The following PCDHGB2 variants were observed in gnomAD, a reference collection of about 807,000 sequenced individuals.
The protein encoded by PCDHGB2 is protocadherin gamma-B2.
Under a neutral mutation model 59.3 loss-of-function variants are expected in PCDHGB2, and 55 were observed. The ratio of observed to expected loss-of-function variants is 0.93; its 90% CI spans 0.75 to 1.16. The LOEUF is 1.16. Among genes scored for constraint, PCDHGB2 ranks in the 50% most tolerant of loss-of-function variants. The pLI, the probability that PCDHGB2 is intolerant of heterozygous loss-of-function variation, is 0.00. For synonymous variants in PCDHGB2, 516 were observed against 512.0 expected (o/e 1.01, Z -0.11); for missense variants, 1,228 against 1,198.5 (o/e 1.02, Z -0.36).
intron 1 of PCDHGB2, chr5:141,427,887 C>T (rs759734297): frequency 3.8e-6 from 6 of 1,565,908 alleles, no homozygotes; most frequent in South Asian, 1.1e-5. Flanking sequence ...GGCCCACGAC[C>T]AGGGCTCGCC....
chr5:141,437,058 T>C (rs539776847), intron 1 of PCDHGB2, among the ~76,000 whole-genome samples: 2 of 152,246 alleles, frequency 1.3e-5, no homozygotes, highest in Non-Finnish European at 2.9e-5. Context: ...CTGGTGATCA[T>C]TATTTGGTTT....
chr5:141,457,118 A>G (rs1427146922), intron 1 of PCDHGB2, among the ~76,000 whole-genome samples: 3 of 152,228 alleles, frequency 2.0e-5, no homozygotes, highest in Non-Finnish European at 4.4e-5. Context: ...TACGACAGCA[A>G]TGGAAACTCT....
rs1187261942 is a variant in PCDHGB2 at position 141,360,266 on chromosome 5, A to G, written c.131A>G (p.Asn44Ser). 10 of 1,613,538 alleles carry G rather than the reference A, an allele frequency of 6.2e-6. No individual in the cohort carries two copies. The highest frequency in any genetic ancestry group is 8.5e-6 in the Non-Finnish European group (10 of 1,179,812). ...RYSIPEELAK[N>S]SVVGNLAKDL... is the part of the protein sequence containing the mutation. Reference sequence around the variant, plus strand: ...TCAATTCCAGAGGAGCTGGCCAAAAACTCGGTCGTAGGAAACCTCGCCAAG... The same window carrying G: ...TCAATTCCAGAGGAGCTGGCCAAAAGCTCGGTCGTAGGAAACCTCGCCAAG... The change falls in exon 1 of 4, where the codon AAC (asparagine) becomes AGC (serine). Residue 44 changes from asparagine to serine, a missense_variant. Around this residue, in one of 3 missense-constraint regions of PCDHGB2, gnomAD observed 781 missense variants for 721.6 expected, o/e 1.08. Coordinates refer to ENST00000522605, the MANE Select transcript of PCDHGB2 (RefSeq NM_018923.3).
rs774288267 is a variant in PCDHGB2, at chr5:141,392,993, G to A, written c.2421+30437G>A. On this transcript the variant is annotated intron_variant, in intron 1 of 3. Transcript: ENST00000522605. ...TGGGGCTGGACCCCCGGAAGCTGGCGAAGCACGGAGTCCGTATCGTCTCCA... is the reference window on the plus strand; with the variant it reads ...TGGGGCTGGACCCCCGGAAGCTGGCAAAGCACGGAGTCCGTATCGTCTCCA... The A allele has an allele frequency of 5.0e-6, 8 of 1,613,802 alleles. 1 individual carries two copies. In the South Asian group the frequency reaches 6.6e-5, roughly 13 times the overall value.
In PCDHGB2 at chr5:141,486,680, T is replaced by A; in HGVS notation, c.2422-8127T>A. The A allele has an allele frequency of 6.2e-7, 1 of 1,614,102 alleles. No homozygotes were observed. Among genetic ancestry groups the A allele is most frequent in the Non-Finnish European group, 8.5e-7 (1 of 1,180,018 alleles). ...CCTGGAGCCCAGGAATCGAGATGTA[T>A]CAGCTTCCTCTTTCATCTCTCTGAA... is the stretch of plus-strand genomic sequence containing the variant. On this transcript the variant is annotated intron_variant, in intron 1 of 3. Coordinates refer to ENST00000522605, the MANE Select transcript of PCDHGB2 (RefSeq NM_018923.3). This position sits in a 1 kb window ranked among gnomAD's most constrained non-coding sequence, Gnocchi z 5.0.
intron 1 of PCDHGB2, chr5:141,392,672 T>C (rs1375291090): frequency 4.5e-6 from 4 of 880,364 alleles, no homozygotes; most frequent in Non-Finnish European, 6.7e-6. Flanking sequence ...AACTAACTGC[T>C]GGACTGCAGC....
chr5:141,435,883 C>A (rs1458527952), intron 1 of PCDHGB2, among the ~76,000 whole-genome samples: 1 of 152,020 alleles, frequency 6.6e-6, no homozygotes, highest in African/African-American at 2.4e-5. Flanking sequence ...GATTGGAAAC[C>A]CCTTAGAGAA....
intron 1 of PCDHGB2, chr5:141,415,759 T>TTG (rs2095938229): frequency 3.7e-6 from 5 of 1,352,054 alleles, no homozygotes; most frequent in Non-Finnish European, 4.8e-6. Flanking sequence ...TTTTTTTTTT[T>TTG]TTTTTTTTTT....
intron 1 of PCDHGB2, chr5:141,416,537 G>T (rs2096038948): frequency 6.6e-6 from 1 of 152,082 alleles, no homozygotes; most frequent in Admixed American, 6.6e-5. Context: ...AATGTATAAG[G>T]AGGCAAACAC....
intron 1 of PCDHGB2, among the ~76,000 whole-genome samples, chr5:141,455,407 A>T (rs1273781307): frequency 1.3e-5 from 2 of 152,174 alleles, no homozygotes; most frequent in Non-Finnish European, 2.9e-5. Context: ...TTACAGAGAC[A>T]GAGGGAGCGG....
At position 141,491,640 on chromosome 5, in the gene PCDHGB2, T is replaced by A; in HGVS notation, c.2422-3167T>A. 6.2e-7 allele frequency: 1 copy of A among 1,613,804 alleles called. No homozygotes were observed. Among genetic ancestry groups the A allele is most frequent in the South Asian group, 1.1e-5 (1 of 91,086 alleles). On this transcript the variant is annotated intron_variant, in intron 1 of 3. Coordinates refer to ENST00000522605, the MANE Select transcript of PCDHGB2 (RefSeq NM_018923.3). This position sits in a 1 kb window ranked among gnomAD's most constrained non-coding sequence, Gnocchi z 6.9. ...CCCTCAGCGTTCAGCAGCCCACAGC[T>A]CTGGCGCTGGAGCCTGACGCCATCC...
At chr5:141,374,163 C>T (rs764323551) in intron 1 of PCDHGB2, 3 of 1,612,724 alleles carry the variant, frequency 1.9e-6, no homozygotes, top group Admixed American at 1.7e-5. Context: ...TGGGGGGCCG[C>T]GGCAGCGCAG....
At chr5:141,422,515 AGCCCGC>A in intron 1 of PCDHGB2, 1 of 1,614,044 alleles carries the variant, frequency 6.2e-7, no homozygotes, top group Non-Finnish European at 8.5e-7. Flanking sequence ...AGACCAGGGA[AGCCCGC>A]CTTTGTCTGC....
At chr5:141,475,997 G>A in intron 1 of PCDHGB2, 2 of 1,184,406 alleles carry the variant, frequency 1.7e-6, no homozygotes, top group East Asian at 2.4e-5. Flanking sequence ...CAAATCAACG[G>A]CATCCAGAAA....
At chr5:141,372,134 C>T (rs376964998) in intron 1 of PCDHGB2, 3 of 1,613,696 alleles carry the variant, frequency 1.9e-6, no homozygotes, top group Non-Finnish European at 2.5e-6. Context: ...TGGTGCCGCG[C>T]TCTGCAGAGC....
chr5:141,486,170 C>T lies in PCDHGB2; in HGVS notation c.2422-8637C>T, dbSNP rs759946548. The stretch of plus-strand genomic sequence containing the variant: ...TGGGGGTTCTCCAGCCATGGAGCAA[C>T]ATTGCAGCCTTCGAGTGGATCTGCT... On this transcript the variant is annotated intron_variant, in intron 1 of 3. Coordinates refer to ENST00000522605, the MANE Select transcript of PCDHGB2 (RefSeq NM_018923.3). This position sits in a 1 kb window ranked among gnomAD's most constrained non-coding sequence, Gnocchi z 5.0. The T allele has an allele frequency of 1.5e-5, 24 of 1,614,116 alleles. No individual in the cohort carries two copies. Among genetic ancestry groups the T allele is most frequent in the South Asian group, 4.4e-5 (4 of 91,090 alleles).
rs1038145479 is a variant in PCDHGB2 at position 141,408,047 on chromosome 5, A to G, written c.2421+45491A>G. The G allele has an allele frequency of 5.6e-6, 7 of 1,243,316 alleles. No individual in the cohort carries two copies. In the African/African-American group the frequency reaches 1.1e-4, roughly 19 times the overall value. The allele number at this position is 1,243,316 out of a possible 1,614,324, so 77.0% of individuals were successfully genotyped here. On this transcript the variant is annotated intron_variant, in intron 1 of 3. Coordinates refer to ENST00000522605, the MANE Select transcript of PCDHGB2 (RefSeq NM_018923.3). ...GAAAGAAGAAAACCAGCTCCCACAC[A>G]GAGCCTCCCGGCTGCGCAGACCTTT...
At position 141,399,280 on chromosome 5, in the gene PCDHGB2, G is replaced by A. The variant is rs750453381; in HGVS notation, c.2421+36724G>A. ...GGAGGTTAATTGTCAATTACAAGGCGAAGTCCCTTTTAAGATTATCTCTTC... is the reference window on the plus strand; with the variant it reads ...GGAGGTTAATTGTCAATTACAAGGCAAAGTCCCTTTTAAGATTATCTCTTC... On this transcript the variant is annotated intron_variant, in intron 1 of 3. Coordinates refer to ENST00000522605, the MANE Select transcript of PCDHGB2 (RefSeq NM_018923.3). 20 of 1,613,836 alleles carry A rather than the reference G, an allele frequency of 1.2e-5. No homozygotes were observed. The highest frequency in any genetic ancestry group is 3.3e-4 in the Middle Eastern group (2 of 6,060).
chr5:141,432,808 C>T lies in PCDHGB2; in HGVS notation c.2422-61999C>T, dbSNP rs1473886709. ...TCGGCAGCCTCGAGTCTCCAGCTAA[C>T]TCTGAAACCTCAGACCTCACTCTGT... On this transcript the variant is annotated intron_variant, in intron 1 of 3. Transcript: ENST00000522605. This position sits in a 1 kb window ranked among gnomAD's most constrained non-coding sequence, Gnocchi z 6.0. 6.2e-7 allele frequency: 1 copy of T among 1,613,486 alleles called. No homozygotes were observed. Among genetic ancestry groups the T allele is most frequent in the African/African-American group, 1.3e-5 (1 of 74,426 alleles).
Sources: gnomAD v4.1 joint callset for allele counts (sites outside exome capture counted in the v4.1 genomes callset) on GRCh38, gnomAD v4.1.1 for gene constraint, gnomAD v4.1.1 regional missense constraint, Gnocchi (gnomAD v3.1) non-coding constraint, MANE v1.5 for transcripts, NCBI Gene and HGNC (gene_info 2026-07-23, HGNC 2026-07-21) for gene names.